The following AGBL3 variants were observed in gnomAD, a reference collection of about 807,000 sequenced individuals.
AGBL3 encodes the protein AGBL carboxypeptidase 3.
Under a neutral mutation model 94.5 loss-of-function variants are expected in AGBL3, and 68 were observed. That is an observed-to-expected ratio of 0.72 (90% confidence interval 0.59 to 0.88). The LOEUF is 0.88. AGBL3 is among the 40% of genes least tolerant of loss of function. The pLI, the probability that AGBL3 is intolerant of heterozygous loss-of-function variation, is 0.00. For synonymous variants in AGBL3, 354 were observed against 370.7 expected (o/e 0.95, Z 0.52); for missense variants, 934 against 1,103.8 (o/e 0.85, Z 2.18).
At chr7:135,105,039 G>C (rs549406482) in intron 15 of AGBL3, among the ~76,000 whole-genome samples, 1 of 150,096 alleles carries the variant, frequency 6.7e-6, no homozygotes, top group South Asian at 2.1e-4. Flanking sequence ...TTGTCTTCCA[G>C]GGTTTTTATA....
At chr7:135,085,544 C>A (rs1452034109) in intron 15 of AGBL3, among the ~76,000 whole-genome samples, 1 of 151,904 alleles carries the variant, frequency 6.6e-6, no homozygotes, top group African/African-American at 2.4e-5. Context: ...AGATAGGAGT[C>A]CAGTTTCATT....
At chr7:135,008,958 C>T (rs1224269306) in intron 4 of AGBL3, among the ~76,000 whole-genome samples, 1 of 152,112 alleles carries the variant, frequency 6.6e-6, no homozygotes, top group Non-Finnish European at 1.5e-5. Context: ...ACTAGGATGA[C>T]TAGAATCAAA....
intron 5 of AGBL3, among the ~76,000 whole-genome samples, chr7:135,023,328 A>G (rs921017866): frequency 1.3e-5 from 2 of 152,176 alleles, no homozygotes; most frequent in African/African-American, 4.8e-5. Context: ...GAGGTGATGC[A>G]GACACCAAGG....
At chr7:135,062,568 T>C (rs994520898) in intron 12 of AGBL3, among the ~76,000 whole-genome samples, 2 of 152,072 alleles carry the variant, frequency 1.3e-5, no homozygotes, top group Non-Finnish European at 2.9e-5. Context: ...TTTTTTATCA[T>C]GAAAGGATGT....
chr7:134,998,690 G>A (rs1044536486), intron 4 of AGBL3, among the ~76,000 whole-genome samples: 5 of 152,142 alleles, frequency 3.3e-5, no homozygotes, highest in African/African-American at 1.2e-4. Flanking sequence ...CTATCAATCT[G>A]AATTTTGCCA....
At chr7:135,047,474 G>C (rs1398801150) in intron 11 of AGBL3, among the ~76,000 whole-genome samples, 2 of 151,966 alleles carry the variant, frequency 1.3e-5, no homozygotes, top group Non-Finnish European at 2.9e-5. Flanking sequence ...AGTAGCAGCT[G>C]CACTGTTTTG....
intron 15 of AGBL3, among the ~76,000 whole-genome samples, chr7:135,112,968 G>C (rs1403844184): frequency 6.6e-6 from 1 of 152,092 alleles, no homozygotes; most frequent in Non-Finnish European, 1.5e-5. Context: ...GTAGAGACAG[G>C]GTTTCACCCT....
Position 135,034,588 on chromosome 7 carries a change from G to C in AGBL3, c.997G>C (p.Ala333Pro), listed in dbSNP as rs913924432. The change falls in exon 7 of 17, where the codon GCT (alanine) becomes CCT (proline). Residue 333 changes from alanine to proline, a missense_variant. Physicochemically the swap from Ala to Pro is conservative, Grantham distance 27 (BLOSUM62 -1). Transcript: ENST00000436302. The part of the protein sequence containing the change: ...CKIRVLCHTL[A>P]RNMVYILTIT... ...AATACGTGTTTTGTGCCACACGCTT[G>C]CTAGGAACATGGTGTATATTTTAAC... 5.2e-6 allele frequency: 8 copies of C among 1,551,770 alleles called. No homozygotes were observed. In the South Asian group the frequency reaches 7.1e-5, roughly 14 times the overall value.
At chr7:135,003,632 C>G (rs1812001535) in intron 4 of AGBL3, among the ~76,000 whole-genome samples, 1 of 150,960 alleles carries the variant, frequency 6.6e-6, no homozygotes, top group South Asian at 2.1e-4. Flanking sequence ...CCTAGTTTTC[C>G]TTTATCTCCT....
chr7:135,043,980 T>C (rs1237530344), intron 8 of AGBL3, 45 bp from the exon 9 acceptor site: 7 of 1,528,582 alleles, frequency 4.6e-6, no homozygotes, highest in African/African-American at 4.2e-5. Flanking sequence ...AAAAAAGATA[T>C]CGGTACCAGA....
chr7:135,105,070 G>GTTTTT (rs71172498), intron 15 of AGBL3, among the ~76,000 whole-genome samples: 6 of 127,074 alleles, frequency 4.7e-5, no homozygotes, highest in Admixed American at 1.7e-4. Context: ...TTACATTCAA[G>GTTTTT]TTTTTTTTTT....
intron 11 of AGBL3, among the ~76,000 whole-genome samples, chr7:135,048,601 T>C (rs1033526610): frequency 2.0e-5 from 3 of 151,964 alleles, no homozygotes; most frequent in African/African-American, 4.8e-5. Flanking sequence ...TCTGGTGCTA[T>C]TGTAAATGGG....
intron 15 of AGBL3, among the ~76,000 whole-genome samples, chr7:135,082,012 G>A (rs777302061): frequency 1.3e-5 from 2 of 152,150 alleles, no homozygotes; most frequent in South Asian, 4.1e-4. Context: ...GAGAAACCTT[G>A]AGAATGCTCT....
At chr7:135,073,559 C>T (rs1015109406) in intron 12 of AGBL3, among the ~76,000 whole-genome samples, 2 of 151,834 alleles carry the variant, frequency 1.3e-5, no homozygotes, top group Non-Finnish European at 2.9e-5. Context: ...CAGACAAAAC[C>T]CCTCAGACAC....
chr7:135,114,765 A>G (rs1197764019), intron 15 of AGBL3, among the ~76,000 whole-genome samples: 2 of 152,102 alleles, frequency 1.3e-5, no homozygotes, highest in African/African-American at 4.8e-5. Flanking sequence ...GCCTCTCTTC[A>G]ATCTGTTCTC....
In AGBL3 at chr7:135,068,931, T is replaced by G. The variant is rs917049018; in HGVS notation, c.1909-7466T>G. 1.4e-4 allele frequency among the ~76,000 whole-genome samples: 21 copies of G among 152,252 alleles called. No individual in the cohort carries two copies. In the East Asian group the frequency reaches 3.7e-3, roughly 27 times the overall value. On this transcript the variant is annotated intron_variant, in intron 12 of 16. Transcript: ENST00000436302. The stretch of plus-strand genomic sequence containing the variant: ...GCTAAATGCTCCAATTAAGACAGAC[T>G]GGCAAATTGGATAAAGGGTCAAGAC...
chr7:135,027,823 C>T (rs201963670), intron 5 of AGBL3, among the ~76,000 whole-genome samples: 2 of 151,614 alleles, frequency 1.3e-5, no homozygotes, highest in South Asian at 2.1e-4. Context: ...CCATTACATA[C>T]ATATAACAAA....
rs186888360 is a variant in AGBL3, at chr7:135,075,549, T to C, written c.1909-848T>C. On this transcript the variant is annotated intron_variant, in intron 12 of 16. Transcript: ENST00000436302. Reference sequence around the variant, plus strand: ...TGAACATAACATTAGTGTACAGGTTTATGTGAAATAAGTCTTCATTTCCCT... The same window carrying C: ...TGAACATAACATTAGTGTACAGGTTCATGTGAAATAAGTCTTCATTTCCCT... 3.1e-3 allele frequency among the ~76,000 whole-genome samples: 473 copies of C among 152,368 alleles called. 3 individuals carry two copies. Among genetic ancestry groups the C allele is most frequent in the Middle Eastern group, 0.014 (4 of 294 alleles).
In AGBL3 at chr7:135,037,502, T is replaced by C; in HGVS notation, c.1422T>C (p.Asp474=). ...AGAACATCTTCATGTATGGCTGTGA[T>C]GGTAGTGACAGATCTAAGACATTAT... ...RKENIFMYGC[D]GSDRSKTLYL... The change falls in exon 8 of 17, where the codon GAT becomes GAC. Residue 474 remains aspartate, a synonymous_variant. Coordinates refer to ENST00000436302, the MANE Select transcript of AGBL3 (RefSeq NM_178563.4). The C allele has an allele frequency of 1.3e-6, 2 of 1,549,834 alleles. No homozygotes were observed. Among genetic ancestry groups the C allele is most frequent in the Non-Finnish European group, 1.7e-6 (2 of 1,145,972 alleles).
Sources: gnomAD v4.1 joint callset for allele counts (sites outside exome capture counted in the v4.1 genomes callset) on GRCh38, gnomAD v4.1.1 for gene constraint, MANE v1.5 for transcripts, NCBI Gene and HGNC (gene_info 2026-07-23, HGNC 2026-07-21) for gene names.